The following COL20A1 variants were observed in gnomAD, a reference collection of about 807,000 sequenced individuals.
The protein encoded by COL20A1 is collagen alpha-1(XX) chain.
A neutral mutation model predicts 152.9 loss-of-function variants in COL20A1; 164 were observed. The observed-to-expected ratio is 1.07, with a 90% CI of 0.94 to 1.22. COL20A1 has a LOEUF of 1.22. Among genes scored for constraint, COL20A1 ranks in the 50% most tolerant of loss-of-function variants. The pLI, the probability that COL20A1 is intolerant of heterozygous loss-of-function variation, is 0.00. For synonymous variants in COL20A1, 864 were observed against 756.0 expected, an observed-to-expected ratio of 1.14 and a Z score of -2.34; for missense variants, 1,873 against 1,744.8, an observed-to-expected ratio of 1.07 and a Z score of -1.31.
At chr20:63,323,567 C>T (rs1230416691) in intron 27 of COL20A1, among the ~76,000 whole-genome samples, 2 of 152,176 alleles carry the variant, frequency 1.3e-5, no homozygotes, top group East Asian at 3.9e-4. Flanking sequence ...TCCAGCTTCA[C>T]CTCTTCACAG....
At position 63,319,387 on chromosome 20, in the gene COL20A1, C is replaced by CT; in HGVS notation, c.2807-99dup. 1 of 1,114,948 alleles carries CT rather than the reference C, an allele frequency of 9.0e-7. No homozygotes were observed. The highest frequency in any genetic ancestry group is 2.6e-5 in the East Asian group (1 of 38,720). 69.1% of individuals were successfully genotyped at this position (1,114,948 alleles called of 1,614,324 possible). ...TGAGGGTCACCTCCAGCTTGGCACCCTCAGGGCTGCTCCTGTCCTGTCGTG... is the reference window on the plus strand; with the variant it reads ...TGAGGGTCACCTCCAGCTTGGCACCCTTCAGGGCTGCTCCTGTCCTGTCGTG... On this transcript the variant is annotated intron_variant, in intron 22 of 35. Coordinates refer to ENST00000358894, the MANE Select transcript of COL20A1 (RefSeq NM_020882.4). The surrounding 1 kb of genome is among the most constrained non-coding windows in gnomAD (Gnocchi z 4.4).
chr20:63,300,359 G>GTAAATACTTCACATAA (rs2067849687), intron 3 of COL20A1, among the ~76,000 whole-genome samples: 2 of 152,124 alleles, frequency 1.3e-5, no homozygotes, highest in African/African-American at 4.8e-5. Context: ...GTGTATGTGT[G>GTAAATACTTCACATAA]TAAATACTTC....
In COL20A1 at chr20:63,319,688, C is replaced by T. The variant is rs2068133504; in HGVS notation, c.2916+92C>T. ...ACCTGCCGGATGCCAACTCCTCTCCCTAGGAGAGCAGGACCTTCCTTGGGA... is the reference window on the plus strand; with the variant it reads ...ACCTGCCGGATGCCAACTCCTCTCCTTAGGAGAGCAGGACCTTCCTTGGGA... On this transcript the variant is annotated intron_variant, in intron 23 of 35. Transcript: ENST00000358894. The surrounding 1 kb of genome is among the most constrained non-coding windows in gnomAD (Gnocchi z 4.4). 3 of 818,534 alleles carry T rather than the reference C, an allele frequency of 3.7e-6. No homozygotes were observed. The highest frequency in any genetic ancestry group is 1.7e-5 in the African/African-American group (1 of 58,874). The allele number at this position is 818,534 out of a possible 1,614,324, so 50.7% of individuals were successfully genotyped here.
Position 63,312,775 on chromosome 20 carries a change from G to C in COL20A1, c.1934-17G>C. 1 of 1,534,592 alleles carries C rather than the reference G, an allele frequency of 6.5e-7. No individual in the cohort carries two copies. The highest frequency in any genetic ancestry group is 8.8e-7 in the Non-Finnish European group (1 of 1,133,826). ...CTCAGGGGCTACACCCCCAGCCTGT[G>C]TCTCCACTTCCTTCAGAGAAAGCTC... On this transcript the variant is annotated splice_polypyrimidine_tract_variant and intron_variant, in intron 15 of 35. Transcript: ENST00000358894.
At chr20:63,329,311 T>G (rs967008222) in intron 34 of COL20A1, 6 of 530,004 alleles carry the variant, frequency 1.1e-5, no homozygotes, top group South Asian at 9.4e-5. Flanking sequence ...TGCACCCACC[T>G]GTCTAGATGA....
In COL20A1 at chr20:63,329,585, G is replaced by T; in HGVS notation, c.3782G>T (p.Gly1261Val). 6.2e-7 allele frequency: 1 copy of T among 1,609,188 alleles called. No individual in the cohort carries two copies. The highest frequency in any genetic ancestry group is 8.5e-7 in the Non-Finnish European group (1 of 1,179,044). ...TCACATGCCCTCCCTTTCCTCGCAG[G>T]GGAGCCTGGAGCTGTTGGTCAGATG... Reference protein sequence around the residue: ...GRGGRHLEGRGEPGAVGQMGS... With the variant: ...GRGGRHLEGRVEPGAVGQMGS... The change falls in exon 35 of 36, where the codon GGG becomes GTG. Residue 1261 changes from glycine (G) to valine (V), a missense_variant and splice_region_variant. Gly to Val is a moderately radical substitution (Grantham distance 109). Coordinates refer to ENST00000358894, the MANE Select transcript of COL20A1 (RefSeq NM_020882.4).
rs1244724641 is a variant in COL20A1 at position 63,305,817 on chromosome 20, G to A, written c.338-64G>A. The A allele has an allele frequency of 1.3e-6, 2 of 1,524,706 alleles. No individual in the cohort carries two copies. The highest frequency in any genetic ancestry group is 2.7e-5 in the African/African-American group (2 of 73,092). The allele number at this position is 1,524,706 out of a possible 1,614,324, so 94.4% of individuals were successfully genotyped here. On this transcript the variant is annotated intron_variant, in intron 4 of 35. Coordinates refer to ENST00000358894, the MANE Select transcript of COL20A1 (RefSeq NM_020882.4). The surrounding 1 kb of genome is among the most constrained non-coding windows in gnomAD (Gnocchi z 4.9). ...GATGCGCCCTTGAAGGGGTGTATGTGCAGCTGCCCCAGTGGACCAGGCCCT... is the reference window on the plus strand; with the variant it reads ...GATGCGCCCTTGAAGGGGTGTATGTACAGCTGCCCCAGTGGACCAGGCCCT...
intron 29 of COL20A1, 132 bp from the exon 30 acceptor site, chr20:63,325,964 T>G (rs1389088152): frequency 1.2e-6 from 1 of 839,612 alleles, no homozygotes; most frequent in African/African-American, 1.7e-5. Context: ...GGTAGGAGCC[T>G]GGCAGCCTCA....
chr20:63,319,633 C>A lies in COL20A1; in HGVS notation c.2916+37C>A. 6.8e-7 allele frequency: 1 copy of A among 1,460,148 alleles called. No homozygotes were observed. The highest frequency in any genetic ancestry group is 9.4e-7 in the Non-Finnish European group (1 of 1,066,878). 90.4% of individuals were successfully genotyped at this position (1,460,148 alleles called of 1,614,324 possible). On this transcript the variant is annotated intron_variant, in intron 23 of 35. Transcript: ENST00000358894. The surrounding 1 kb of genome is among the most constrained non-coding windows in gnomAD (Gnocchi z 4.4). ...GCTCGCGCCCCTCTCCCCCGTTCCC[C>A]CAGCTCTGGGGCAGCCCAGCCCCAC...
At chr20:63,309,573 C>A in intron 9 of COL20A1, 76 bp downstream of exon 9, 1 of 1,373,500 alleles carries the variant, frequency 7.3e-7, no homozygotes, top group Non-Finnish European at 9.6e-7. Context: ...GACGCTGTGG[C>A]TCCCGTGTGG....
intron 28 of COL20A1, 30 bp downstream of exon 28, chr20:63,325,524 G>A: frequency 1.2e-6 from 2 of 1,600,372 alleles, no homozygotes; most frequent in Non-Finnish European, 1.7e-6. Flanking sequence ...GGGGCCACAG[G>A]GGTTGGTGGG....
At chr20:63,309,669 T>C (rs2067977962) in intron 9 of COL20A1, 89 bp from the exon 10 acceptor site, 3 of 1,328,926 alleles carry the variant, frequency 2.3e-6, no homozygotes, top group East Asian at 2.6e-5. Context: ...GCAGCTTTCC[T>C]GTCCCTCCTG....
rs145173988 is a variant in COL20A1, at chr20:63,319,145, G to T, written c.2751G>T (p.Ala917=). 6.2e-7 allele frequency: 1 copy of T among 1,612,942 alleles called. No homozygotes were observed. Among genetic ancestry groups the T allele is most frequent in the Non-Finnish European group, 8.5e-7 (1 of 1,179,748 alleles). ...LLPETPREAF[A]LWQMTAEDFQ... ...CCGAGACACCCCGTGAGGCCTTCGCGCTGTGGCAGATGACAGCCGAGGACT... is the reference window on the plus strand; with the variant it reads ...CCGAGACACCCCGTGAGGCCTTCGCTCTGTGGCAGATGACAGCCGAGGACT... The change falls in exon 22 of 36, where the codon GCG becomes GCT. Residue 917 remains alanine (A), a synonymous_variant. Coordinates refer to ENST00000358894, the MANE Select transcript of COL20A1 (RefSeq NM_020882.4). The surrounding 1 kb of genome is among the most constrained non-coding windows in gnomAD (Gnocchi z 4.4).
chr20:63,320,041 G>A lies in COL20A1; in HGVS notation c.2919G>A (p.Val973=), dbSNP rs376339971. 6.9e-5 allele frequency: 107 copies of A among 1,553,094 alleles called. No homozygotes were observed. The highest frequency in any genetic ancestry group is 8.6e-5 in the Non-Finnish European group (99 of 1,149,174). ...RKIFFGSFHK[V]HVAVGRSKVR... ...GAACCTCCCGTGCCGTCTCACAGGT[G>A]CACGTGGCTGTGGGCCGCTCCAAGG... The change falls in exon 24 of 36, where the codon GTG becomes GTA. Residue 973 remains valine (V), a splice_region_variant and synonymous_variant. Transcript: ENST00000358894.
rs1317941212 is a variant in COL20A1, at chr20:63,307,636, A to G, written c.643A>G (p.Lys215Glu). Residue 215 changes from lysine (K) to glutamate (E), a missense_variant, in exon 6 of 36, where the codon AAG becomes GAG. By Grantham distance (56) the Lys-to-Glu change is moderately conservative (BLOSUM62 1). Transcript: ENST00000358894. ...CGCACCCTTTGAAATCGGGCCGGAT[A>G]AGGTCCAAGTAGGTGGGTGCTGGCC... ...VIAPFEIGPDKVQVGLTQYSG... is the reference protein window; with the variant it reads ...VIAPFEIGPDEVQVGLTQYSG... 6.2e-7 allele frequency: 1 copy of G among 1,612,324 alleles called. No individual in the cohort carries two copies. The highest frequency in any genetic ancestry group is 8.5e-7 in the Non-Finnish European group (1 of 1,179,618).
intron 21 of COL20A1, 58 bp downstream of exon 21, chr20:63,316,749 A>C: frequency 3.6e-6 from 4 of 1,098,796 alleles, no homozygotes; most frequent in South Asian, 1.5e-5. Flanking sequence ...GCTGAAGATT[A>C]GGAGGACATG....
In COL20A1 at chr20:63,328,073, T is replaced by C. The variant is rs1475722797; in HGVS notation, c.3565-6T>C. Reference sequence around the variant, plus strand: ...GGTCCCAAAGCTGCACCACCTTCCCTTCCAGGGCGAGCCGCAGTCCCTTGC... The same window carrying C: ...GGTCCCAAAGCTGCACCACCTTCCCCTCCAGGGCGAGCCGCAGTCCCTTGC... On this transcript the variant is annotated splice_region_variant and splice_polypyrimidine_tract_variant and intron_variant, in intron 32 of 35. Coordinates refer to ENST00000358894, the MANE Select transcript of COL20A1 (RefSeq NM_020882.4). The C allele has an allele frequency of 1.2e-5, 19 of 1,613,246 alleles. No homozygotes were observed. Among genetic ancestry groups the C allele is most frequent in the Non-Finnish European group, 1.6e-5 (19 of 1,179,816 alleles).
At position 63,325,474 on chromosome 20, in the gene COL20A1, C is replaced by T. The variant is rs1429207264; in HGVS notation, c.3328C>T (p.His1110Tyr). Reference protein sequence around the residue: ...PPGVKGEKGDHGLPGLQGHPG... With the variant: ...PPGVKGEKGDYGLPGLQGHPG... ...AGGGGTCAAAGGAGAGAAGGGAGAC[C>T]ATGGGCTTCCAGGCTTGCAGGTAGT... The change falls in exon 28 of 36, where the codon CAT becomes TAT. Residue 1110 changes from histidine (H) to tyrosine (Y), a missense_variant. Coordinates refer to ENST00000358894, the MANE Select transcript of COL20A1 (RefSeq NM_020882.4). 6.2e-7 allele frequency: 1 copy of T among 1,612,646 alleles called. No homozygotes were observed. Among genetic ancestry groups the T allele is most frequent in the Non-Finnish European group, 8.5e-7 (1 of 1,179,602 alleles).
rs999633419 is a variant in COL20A1 at position 63,326,097 on chromosome 20, G to C, written c.3404G>C (p.Gly1135Ala). ...PGRVGLQGPK[G>A]MRGLEGTAGL... ...GCTTGCGCCTTCCTTTGCCATCAGG[G>C]AATGAGAGGCCTGGAGGGAACTGCT... The change falls in exon 30 of 36, where the codon GGA becomes GCA. Residue 1135 changes from glycine to alanine, a missense_variant and splice_region_variant. Physicochemically the swap from Gly to Ala is moderately conservative, Grantham distance 60. Coordinates refer to ENST00000358894, the MANE Select transcript of COL20A1 (RefSeq NM_020882.4). 5 of 1,612,632 alleles carry C rather than the reference G, an allele frequency of 3.1e-6. No individual in the cohort carries two copies. Among genetic ancestry groups the C allele is most frequent in the Non-Finnish European group, 4.2e-6 (5 of 1,179,646 alleles).
Sources: gnomAD v4.1 joint callset for allele counts (sites outside exome capture counted in the v4.1 genomes callset) on GRCh38, gnomAD v4.1.1 for gene constraint, Gnocchi (gnomAD v3.1) non-coding constraint, MANE v1.5 for transcripts, NCBI Gene and HGNC (gene_info 2026-07-23, HGNC 2026-07-21) for gene names.